Variants in COL24A1 observed in about 807,000 individuals in gnomAD.
The protein encoded by COL24A1 is collagen alpha-1(XXIV) chain.
A neutral mutation model predicts 253.9 loss-of-function variants in COL24A1; 224 were observed. That is an observed-to-expected ratio of 0.88 (90% confidence interval 0.79 to 0.99). The LOEUF (loss-of-function observed/expected upper bound fraction) is 0.99. Ranked by LOEUF, COL24A1 falls within the 50% of genes least tolerant of loss-of-function variation. COL24A1 has a pLI of 0.00. For synonymous variants in COL24A1, 685 were observed against 673.7 expected (o/e 1.02, Z -0.26); for missense variants, 2,131 against 2,068.5 (o/e 1.03, Z -0.59).
At chr1:85,764,418 G>T (rs113606136) in intron 53 of COL24A1, among the ~76,000 whole-genome samples, 4 of 150,722 alleles carry the variant, frequency 2.7e-5, no homozygotes, top group African/African-American at 9.7e-5. Flanking sequence ...GTTGTCATGC[G>T]GGTGACAGCT....
At chr1:85,917,455 T>C (rs895677527) in intron 24 of COL24A1, among the ~76,000 whole-genome samples, 2 of 152,146 alleles carry the variant, frequency 1.3e-5, no homozygotes, top group African/African-American at 2.4e-5. Context: ...ACTTATTTTT[T>C]CCCATTAAGA....
At chr1:85,833,591 C>T (rs1356364708) in intron 43 of COL24A1, among the ~76,000 whole-genome samples, 1 of 152,260 alleles carries the variant, frequency 6.6e-6, no homozygotes, top group East Asian at 1.9e-4. Context: ...ACAAATACCA[C>T]TTGACCCAGC....
chr1:85,946,899 C>T (rs1226124452), intron 24 of COL24A1, among the ~76,000 whole-genome samples: 1 of 152,016 alleles, frequency 6.6e-6, no homozygotes, highest in Non-Finnish European at 1.5e-5. Flanking sequence ...ATATATACAC[C>T]GACTAGCCAA....
chr1:85,744,572 A>C (rs1665001251), intron 57 of COL24A1, 94 bp downstream of exon 57: 6 of 1,085,762 alleles, frequency 5.5e-6, no homozygotes, highest in South Asian at 5.2e-5. Flanking sequence ...TATCAAACTA[A>C]CTATGATTTG....
intron 24 of COL24A1, among the ~76,000 whole-genome samples, chr1:85,922,229 G>T (rs1571227707): frequency 6.6e-6 from 1 of 152,170 alleles, no homozygotes; most frequent in East Asian, 1.9e-4. Flanking sequence ...ATGGAACCAA[G>T]TTGGAAAACA....
chr1:85,910,478 T>C (rs1685256847), intron 25 of COL24A1, among the ~76,000 whole-genome samples: 1 of 151,928 alleles, frequency 6.6e-6, no homozygotes. Context: ...ATCATGATAA[T>C]CAAATCTGTC....
At chr1:85,878,716 C>T (rs1681490948) in intron 32 of COL24A1, among the ~76,000 whole-genome samples, 1 of 152,150 alleles carries the variant, frequency 6.6e-6, no homozygotes, top group Non-Finnish European at 1.5e-5. Context: ...AATGAGAGCT[C>T]CTGTTGCTCC....
chr1:85,779,865 T>C (rs1402417174), intron 52 of COL24A1, among the ~76,000 whole-genome samples: 2 of 152,178 alleles, frequency 1.3e-5, no homozygotes, highest in Non-Finnish European at 2.9e-5. Context: ...GAACTTTTCT[T>C]CTCAGAATGG....
chr1:85,836,207 A>G (rs1675989491), intron 43 of COL24A1, among the ~76,000 whole-genome samples: 1 of 152,194 alleles, frequency 6.6e-6, no homozygotes, highest in African/African-American at 2.4e-5. Context: ...CGTGTTACGT[A>G]TAATTTATAT....
chr1:86,127,204 A>T (rs1489080952), intron 2 of COL24A1, among the ~76,000 whole-genome samples: 1 of 152,096 alleles, frequency 6.6e-6, no homozygotes, highest in African/African-American at 2.4e-5. Context: ...CCACTTTTCC[A>T]GTCCTCCAGA....
At chr1:85,834,063 A>G in intron 43 of COL24A1, among the ~76,000 whole-genome samples, 1 of 151,948 alleles carries the variant, frequency 6.6e-6, no homozygotes, top group Non-Finnish European at 1.5e-5. Flanking sequence ...ACATGTATAC[A>G]TATGTAACAA....
intron 53 of COL24A1, among the ~76,000 whole-genome samples, chr1:85,772,408 A>G (rs547412364): frequency 1.4e-4 from 22 of 152,152 alleles, no homozygotes; most frequent in African/African-American, 5.1e-4. Flanking sequence ...GCGATTCCTC[A>G]GGGATCTAGA....
chr1:85,783,710 C>A (rs1669371956), intron 50 of COL24A1, 152 bp from the exon 51 acceptor site: 2 of 672,458 alleles, frequency 3.0e-6, no homozygotes, highest in African/African-American at 3.6e-5. Context: ...TGTACTGAGG[C>A]CTACAATTTA....
At chr1:85,918,129 G>GT (rs542426672) in intron 24 of COL24A1, among the ~76,000 whole-genome samples, 46,613 of 143,166 alleles carry the variant, frequency 0.33, 8,082 homozygotes, top group East Asian at 0.52. Flanking sequence ...TGTGGTTTTT[G>GT]TTTTTTTTTT....
At chr1:86,112,938 T>C (rs1029723670) in intron 4 of COL24A1, among the ~76,000 whole-genome samples, 2 of 152,186 alleles carry the variant, frequency 1.3e-5, no homozygotes, top group Admixed American at 1.3e-4. Context: ...ACATTTCTTA[T>C]ACTGTTCTAA....
chr1:85,810,269 T>C lies in COL24A1; in HGVS notation c.3951+6519A>G, dbSNP rs147665012. Among the ~76,000 whole-genome samples, 572 of 152,224 alleles carry C rather than the reference T, an allele frequency of 3.8e-3. 4 individuals are homozygous for C. The highest frequency in any genetic ancestry group is 0.013 in the African/African-American group (545 of 41,536). On this transcript the variant is annotated intron_variant, in intron 47 of 59. Transcript: ENST00000370571. ...TGACAGTTTAAAAATGTCATGGCAA[T>C]GGTTGGAAGTTACCCTATATGGTTT...
chr1:85,866,645 G>A (rs925950744), intron 37 of COL24A1, among the ~76,000 whole-genome samples: 4 of 151,924 alleles, frequency 2.6e-5, no homozygotes, highest in Non-Finnish European at 4.4e-5. Context: ...ATGGTGGTGC[G>A]TGCCTGTAGT....
chr1:85,745,634 A>T, intron 55 of COL24A1, 128 bp from the exon 56 acceptor site: 1 of 602,356 alleles, frequency 1.7e-6, no homozygotes, highest in Non-Finnish European at 2.7e-6. Context: ...GGGTTCTGTA[A>T]CTCTTACGGT....
At chr1:85,850,240 T>C (rs1347033920) in intron 37 of COL24A1, among the ~76,000 whole-genome samples, 1 of 152,138 alleles carries the variant, frequency 6.6e-6, no homozygotes, top group East Asian at 1.9e-4. Flanking sequence ...CTAAAATGGC[T>C]AATAATTAAT....
Sources: allele counts gnomAD v4.1 joint callset (sites outside exome capture counted in the v4.1 genomes callset), GRCh38; gene constraint gnomAD v4.1.1; transcripts MANE v1.5; gene names NCBI Gene and HGNC (gene_info 2026-07-23, HGNC 2026-07-21).